UNC13C: variants seen among roughly 807,000 people sequenced by gnomAD.
UNC13C encodes protein unc-13 homolog C.
In UNC13C, 174 loss-of-function variants were observed where a neutral mutation model predicts 245.4. That is an observed-to-expected ratio of 0.71 (90% CI 0.63 to 0.80). UNC13C has a LOEUF of 0.80. UNC13C is among the 30% of genes least tolerant of loss of function. The pLI is 0.00. For missense variants in UNC13C, 2,829 were observed against 2,602.9 expected (o/e 1.09, Z -1.89); for synonymous variants, 992 against 895.1 (o/e 1.11, Z -1.93).
chr15:54,455,164 CCTCTCT>C (rs1203605020), intron 19 of UNC13C, among the ~76,000 whole-genome samples: 119 of 17,478 alleles, frequency 6.8e-3, no homozygotes, highest in African/African-American at 0.011. Context: ...GAGTCATATT[CCTCTCT>C]CTCTCTCTCT....
chr15:54,105,687 C>T (rs1900410330), intron 2 of UNC13C, among the ~76,000 whole-genome samples: 1 of 152,140 alleles, frequency 6.6e-6, no homozygotes, highest in South Asian at 2.1e-4. Flanking sequence ...AAAAACTACA[C>T]AGACTATTGC....
At chr15:54,504,087 T>C (rs898911709) in intron 22 of UNC13C, among the ~76,000 whole-genome samples, 3 of 152,184 alleles carry the variant, frequency 2.0e-5, no homozygotes, top group Non-Finnish European at 4.4e-5. Flanking sequence ...AATGGGCACA[T>C]GAGTAGTTAA....
chr15:54,314,972 T>C (rs922364378), intron 13 of UNC13C, among the ~76,000 whole-genome samples: 6 of 151,792 alleles, frequency 4.0e-5, no homozygotes, highest in Non-Finnish European at 8.8e-5. Context: ...GACTGTGGTA[T>C]GTGAAGTGGT....
rs577920050 is a variant in UNC13C, at chr15:54,134,497, GGTTTTTT to G, written c.2984-8501_2984-8495del. On this transcript the variant is annotated intron_variant, in intron 2 of 32. Transcript: ENST00000260323. The stretch of plus-strand genomic sequence containing the variant: ...CATTGTCTTCATCTGCTGACAAATA[GGTTTTTT>G]GTTTTTTGTTTTTTGTTTTGAGACG... 7.5e-3 allele frequency among the ~76,000 whole-genome samples: 1,143 copies of G among 151,766 alleles called. 8 individuals carry two copies. The highest frequency in any genetic ancestry group is 0.018 in the Admixed American group (270 of 15,220).
rs569920196 is a variant in UNC13C at position 54,627,021 on chromosome 15, C to G, written c.6553C>G (p.Leu2185Val). 6.8e-6 allele frequency: 11 copies of G among 1,613,322 alleles called. No homozygotes were observed. In the South Asian group the frequency reaches 8.8e-5, roughly 13 times the overall value. Residue 2185 changes from leucine to valine, a missense_variant, in exon 33 of 33, where the codon CTT becomes GTT. Coordinates refer to ENST00000260323, the MANE Select transcript of UNC13C (RefSeq NM_001080534.3). ...ISMDETGLTI[L>V]RILSQRTSDD... is the part of the protein sequence containing the mutation. ...TATGGATGAAACTGGTTTGACTATCCTTAGAATACTCTCTCAGAGGACCAG... is the reference window on the plus strand; with the variant it reads ...TATGGATGAAACTGGTTTGACTATCGTTAGAATACTCTCTCAGAGGACCAG...
intron 4 of UNC13C, among the ~76,000 whole-genome samples, chr15:54,186,725 C>A (rs2033996603): frequency 6.6e-6 from 1 of 151,734 alleles, no homozygotes; most frequent in South Asian, 2.1e-4. Context: ...CTAGAGAAAA[C>A]CTTAATCATG....
At chr15:53,897,800 C>T in the UNC13C span, among the ~76,000 whole-genome samples, 1 of 152,186 alleles carries the variant, frequency 6.6e-6, no homozygotes, top group Non-Finnish European at 1.5e-5. Context: ...CTTCTATGTG[C>T]TGTAATTTAA....
At chr15:54,548,743 TC>T (rs1313334566) in intron 27 of UNC13C, among the ~76,000 whole-genome samples, 1 of 152,138 alleles carries the variant, frequency 6.6e-6, no homozygotes, top group African/African-American at 2.4e-5. Context: ...TATAAGGTTT[TC>T]CCTAGGAAAG....
chr15:54,302,644 G>A (rs138031488), intron 13 of UNC13C, among the ~76,000 whole-genome samples: 81 of 152,150 alleles, frequency 5.3e-4, no homozygotes, highest in South Asian at 2.3e-3. Flanking sequence ...TGTTCCATTG[G>A]TCTCTATATC....
In UNC13C at chr15:54,518,375, C is replaced by T. The variant is rs542180445; in HGVS notation, c.5457+6545C>T. ...TTCCCAGAGCATTTAAGAGAGCTCA[C>T]AGGGTTACTCATATACTGCCAAGTC... is the stretch of plus-strand genomic sequence containing the variant. On this transcript the variant is annotated intron_variant, in intron 24 of 32. Transcript: ENST00000260323. Among the ~76,000 whole-genome samples the T allele has an allele frequency of 7.2e-5, 11 of 152,216 alleles. No homozygotes were observed. The South Asian group carries it at 2.3e-3, about 32-fold the overall frequency.
At chr15:54,300,136 A>G (rs2037537361) in intron 12 of UNC13C, 74 bp from the exon 13 acceptor site, 3 of 1,404,858 alleles carry the variant, frequency 2.1e-6, no homozygotes, top group Non-Finnish European at 2.9e-6. Flanking sequence ...AGAGCATTTT[A>G]CTGGAAGTTT....
chr15:54,354,553 C>T (rs2039052069), intron 17 of UNC13C, among the ~76,000 whole-genome samples: 1 of 152,114 alleles, frequency 6.6e-6, no homozygotes, highest in Non-Finnish European at 1.5e-5. Context: ...TTGGAATGTG[C>T]TCTCTAATTA....
intron 30 of UNC13C, among the ~76,000 whole-genome samples, chr15:54,582,678 C>G (rs1898255707): frequency 6.6e-6 from 1 of 152,096 alleles, no homozygotes; most frequent in Admixed American, 6.5e-5. Flanking sequence ...GACGTGTTTG[C>G]AAGTCACTGT....
chr15:54,181,245 T>C (rs28830170), intron 4 of UNC13C, among the ~76,000 whole-genome samples: 12,855 of 152,086 alleles, frequency 0.085, 759 homozygotes, highest in African/African-American at 0.16. Context: ...AGTATCATTA[T>C]TGAATAGGGA....
chr15:54,361,126 C>T (rs1392489813), intron 17 of UNC13C, among the ~76,000 whole-genome samples: 1 of 152,060 alleles, frequency 6.6e-6, no homozygotes, highest in Non-Finnish European at 1.5e-5. Context: ...GATGGTGGCT[C>T]ATAATTCTCA....
At chr15:54,308,841 C>T (rs1307771335) in intron 13 of UNC13C, among the ~76,000 whole-genome samples, 3 of 151,704 alleles carry the variant, frequency 2.0e-5, no homozygotes, top group East Asian at 1.9e-4. Flanking sequence ...GATAAAATTT[C>T]CTCCATTTTT....
At chr15:54,474,988 A>C (rs1213607598) in intron 19 of UNC13C, among the ~76,000 whole-genome samples, 1 of 152,034 alleles carries the variant, frequency 6.6e-6, no homozygotes, top group Non-Finnish European at 1.5e-5. Context: ...ATACCAAGCC[A>C]TTAGTGTGAA....
At chr15:54,518,400 C>T (rs1307244968) in intron 24 of UNC13C, among the ~76,000 whole-genome samples, 1 of 152,110 alleles carries the variant, frequency 6.6e-6, no homozygotes, top group Non-Finnish European at 1.5e-5. Flanking sequence ...ACTGCCAAGT[C>T]TCTTTTTAAA....
At chr15:54,528,616 C>T (rs1439214169) in intron 25 of UNC13C, among the ~76,000 whole-genome samples, 2 of 151,924 alleles carry the variant, frequency 1.3e-5, no homozygotes, top group Admixed American at 6.6e-5. Flanking sequence ...TGTCACACCC[C>T]TTGTCCAGTC....
Sources: gnomAD v4.1 joint callset for allele counts (sites outside exome capture counted in the v4.1 genomes callset) on GRCh38, gnomAD v4.1.1 for gene constraint, MANE v1.5 for transcripts, NCBI Gene and HGNC (gene_info 2026-07-23, HGNC 2026-07-21) for gene names.